ZNF483: variants seen among roughly 807,000 people sequenced by gnomAD.
ZNF483 encodes the protein zinc finger protein 483, also known as zinc finger protein HIT-10.
Under a neutral mutation model 28.6 loss-of-function variants are expected in ZNF483, and 9 were observed. That is an observed-to-expected ratio of 0.32 (90% CI 0.19 to 0.55). ZNF483 has a LOEUF of 0.55. ZNF483 is among the 20% of genes least tolerant of loss of function. ZNF483 has a pLI of 0.93. For missense variants in ZNF483, 675 were observed against 871.7 expected (o/e 0.77, Z 2.84); for synonymous variants, 322 against 306.2 (o/e 1.05, Z -0.54).
downstream of ZNF483, among the ~76,000 whole-genome samples, chr9:111,555,569 G>A (rs528761158): frequency 7.2e-5 from 11 of 152,270 alleles, no homozygotes; most frequent in African/African-American, 1.2e-4. Flanking sequence ...TCACAGTTCC[G>A]CAGGCTATAC....
downstream of ZNF483, among the ~76,000 whole-genome samples, chr9:111,555,612 C>A (rs752080439): frequency 1.1e-4 from 17 of 152,154 alleles, no homozygotes; most frequent in Non-Finnish European, 2.5e-4. Flanking sequence ...CAGGAACTTA[C>A]AGTCATGGCA....
Position 111,543,336 on chromosome 9 carries a change from C to T in ZNF483, c.*166C>T, listed in dbSNP as rs553478287. ...TCCCTCTTCTTTTCAAGGATGGCAA[C>T]GACTGGTAAACAGTAATTAGTTGGT... On this transcript the variant is annotated 3_prime_UTR_variant, in exon 6 of 6. Coordinates refer to ENST00000309235, the MANE Select transcript of ZNF483 (RefSeq NM_133464.5). 120 of 1,388,050 alleles carry T rather than the reference C, an allele frequency of 8.6e-5. No individual in the cohort carries two copies. The highest frequency in any genetic ancestry group is 1.1e-4 in the East Asian group (4 of 37,924). The allele number at this position is 1,388,050 out of a possible 1,614,324, so 86.0% of individuals were successfully genotyped here.
intron 5 of ZNF483, chr9:111,574,714 C>A: frequency 6.4e-7 from 1 of 1,555,910 alleles, no homozygotes; most frequent in South Asian, 1.1e-5. Context: ...CATATGGGAT[C>A]GTGTGCATGT....
chr9:111,536,711 C>T (rs1427731702), intron 5 of ZNF483, among the ~76,000 whole-genome samples: 3 of 152,174 alleles, frequency 2.0e-5, no homozygotes, highest in African/African-American at 7.2e-5. Context: ...CCGCACCCCC[C>T]CCGCCCCCGT....
At chr9:111,539,927 A>G (rs966187527) in intron 5 of ZNF483, among the ~76,000 whole-genome samples, 8 of 152,174 alleles carry the variant, frequency 5.3e-5, no homozygotes, top group Non-Finnish European at 7.4e-5. Flanking sequence ...GTCAGGAGTT[A>G]GAGACCAGCC....
intron 2 of ZNF483, among the ~76,000 whole-genome samples, chr9:111,528,383 T>A (rs868637464): frequency 3.3e-5 from 5 of 152,204 alleles, no homozygotes; most frequent in Admixed American, 6.5e-5. Context: ...TCCACAGCCT[T>A]AGGGCAGGAA....
Position 111,547,074 on chromosome 9 carries a change from T to A in ZNF483, c.*3904T>A, listed in dbSNP as rs1827825883. On this transcript the variant is annotated 3_prime_UTR_variant, in exon 6 of 6. Transcript: ENST00000309235. The stretch of plus-strand genomic sequence containing the variant: ...TTTTACTTGTATACCACATTTTGTT[T>A]ATCCTTTTATCTGCCAGTGAACATT... Among the ~76,000 whole-genome samples the A allele has an allele frequency of 6.6e-6, 1 of 152,212 alleles. No individual in the cohort carries two copies. Among genetic ancestry groups the A allele is most frequent in the Admixed American group, 6.5e-5 (1 of 15,282 alleles).
At position 111,548,548 on chromosome 9, in the gene ZNF483, T is replaced by A. The variant is rs1827856327; in HGVS notation, c.*5378T>A. Among the ~76,000 whole-genome samples the A allele has an allele frequency of 6.6e-6, 1 of 152,226 alleles. No homozygotes were observed. Among genetic ancestry groups the A allele is most frequent in the Admixed American group, 6.5e-5 (1 of 15,268 alleles). The stretch of plus-strand genomic sequence containing the variant: ...TTTTTAAATATAAGATTATGGCATC[T>A]GCAAATAGATAATTTTTCCTTCTTC... On this transcript the variant is annotated 3_prime_UTR_variant, in exon 6 of 6. Coordinates refer to ENST00000309235, the MANE Select transcript of ZNF483 (RefSeq NM_133464.5).
In ZNF483 at chr9:111,543,525, A is replaced by G. The variant is rs920137411; in HGVS notation, c.*355A>G. On this transcript the variant is annotated 3_prime_UTR_variant, in exon 6 of 6. Transcript: ENST00000309235. ...ACTTGGATTCTGTCCCAGTTTGCCA[A>G]CCAACTTGCTGTATACACCTTGGAC... The G allele has an allele frequency of 3.9e-5, 40 of 1,019,070 alleles. No individual in the cohort carries two copies. The highest frequency in any genetic ancestry group is 4.3e-5 in the Non-Finnish European group (37 of 852,206). The allele number at this position is 1,019,070 out of a possible 1,614,324, so 63.1% of individuals were successfully genotyped here. A position where few individuals can be genotyped will look rare whatever the true frequency, so the allele number is the denominator to read the frequency against.
downstream of ZNF483, among the ~76,000 whole-genome samples, chr9:111,559,556 A>AC (rs1448883031): frequency 6.6e-6 from 1 of 150,924 alleles, no homozygotes; most frequent in Non-Finnish European, 1.5e-5. Context: ...ACACTGCCCA[A>AC]CCCCTCCTTC....
intron 3 of ZNF483, among the ~76,000 whole-genome samples, chr9:111,531,588 G>A (rs761992463): frequency 5.3e-5 from 8 of 152,126 alleles, no homozygotes; most frequent in Non-Finnish European, 1.0e-4. Context: ...TGTTGGCCAG[G>A]CTGATCTCAA....
In ZNF483 at chr9:111,544,324, A is replaced by G. The variant is rs1037080619; in HGVS notation, c.*1154A>G. 1 of 983,920 alleles carries G rather than the reference A, an allele frequency of 1.0e-6. No individual in the cohort carries two copies. The highest frequency in any genetic ancestry group is 1.8e-5 in the African/African-American group (1 of 56,360). 60.9% of individuals were successfully genotyped at this position (983,920 alleles called of 1,614,324 possible). On this transcript the variant is annotated 3_prime_UTR_variant, in exon 6 of 6. Transcript: ENST00000309235. The stretch of plus-strand genomic sequence containing the variant: ...TGTGGCAACAGTTAAAAGCTGTTAT[A>G]ACAATTTGCTTGGGTGTGTGTGCAT...
At chr9:111,529,064 A>T (rs369109757) in intron 2 of ZNF483, among the ~76,000 whole-genome samples, 2 of 151,776 alleles carry the variant, frequency 1.3e-5, no homozygotes, top group East Asian at 3.9e-4. Context: ...GAATCGCTTG[A>T]ACCGGGGAGG....
chr9:111,530,780 T>TCACTTAGAA (rs1827314810), intron 2 of ZNF483, 95 bp from the exon 3 acceptor site: 14 of 54,876 alleles, frequency 2.6e-4, no homozygotes, highest in African/African-American at 1.5e-3. Flanking sequence ...TATATATATA[T>TCACTTAGAA]ATATATATAT....
chr9:111,578,013 G>A (rs549983353), downstream of ZNF483, among the ~76,000 whole-genome samples: 47 of 152,040 alleles, frequency 3.1e-4, no homozygotes, highest in African/African-American at 1.1e-3. Context: ...GGGGGGTGAT[G>A]AAAATATTCT....
At position 111,554,586 on chromosome 9, in the gene ZNF483, AAGAAGGCT is replaced by A. The variant is rs778332919; in HGVS notation, c.*11418_*11425del. Among the ~76,000 whole-genome samples the A allele has an allele frequency of 5.3e-5, 8 of 152,186 alleles. No individual in the cohort carries two copies. Among genetic ancestry groups the A allele is most frequent in the Non-Finnish European group, 1.0e-4 (7 of 68,030 alleles). Reference sequence around the variant, plus strand: ...CTATGTTTTGTCAGTCTGATAACCCAAGAAGGCTACTAAGTGACTAACAGACAGGTAGT... The same window carrying A: ...CTATGTTTTGTCAGTCTGATAACCCAACTAAGTGACTAACAGACAGGTAGT... On this transcript the variant is annotated 3_prime_UTR_variant, in exon 6 of 6. Transcript: ENST00000309235.
At position 111,528,068 on chromosome 9, in the gene ZNF483, A is replaced by G. The variant is rs893020518; in HGVS notation, c.412+261A>G. On this transcript the variant is annotated intron_variant, in intron 2 of 5. Transcript: ENST00000309235. ...AAGGTGAGACAAGATAGGATATAAT[A>G]TATGGTGGATGCTCAAGAAATAGTA... 3 of 1,364,078 alleles carry G rather than the reference A, an allele frequency of 2.2e-6. No individual in the cohort carries two copies. The African/African-American group carries it at 4.4e-5, about 20-fold the overall frequency. The allele number at this position is 1,364,078 out of a possible 1,614,324, so 84.5% of individuals were successfully genotyped here.
At chr9:111,576,820 G>T (rs1313063524) in exon 6 of ZNF483, 1 of 155,880 alleles carries the variant, frequency 6.4e-6, no homozygotes, top group African/African-American at 2.4e-5. Context: ...GCCAGGTGTG[G>T]TGGCTCATGC....
intron 5 of ZNF483, among the ~76,000 whole-genome samples, chr9:111,560,944 AATATAT>A (rs746101013): frequency 0.027 from 845 of 31,124 alleles, 57 homozygotes; most frequent in Non-Finnish European, 0.032. Context: ...CTCCATCTAA[AATATAT>A]ATATATATAT....
Sources: allele counts gnomAD v4.1 joint callset (sites outside exome capture counted in the v4.1 genomes callset), GRCh38; gene constraint gnomAD v4.1.1; transcripts MANE v1.5; gene names NCBI Gene and HGNC (gene_info 2026-07-23, HGNC 2026-07-21).